The following PDGFD variants were observed in gnomAD, a reference collection of about 807,000 sequenced individuals.
PDGFD encodes platelet-derived growth factor D.
PDGFD carries 30 observed loss-of-function variants against 44.7 expected under a neutral mutation model. The observed-to-expected ratio is 0.67, with a 90% CI of 0.50 to 0.91. The LOEUF is 0.91. Ranked by LOEUF, PDGFD falls within the 40% of genes least tolerant of loss-of-function variation. The pLI is 0.00. For missense variants in PDGFD, 445 were observed against 457.8 expected (o/e 0.97, Z 0.25); for synonymous variants, 173 against 168.4 (o/e 1.03, Z -0.21).
At chr11:104,151,789 G>T (rs1234269027) in intron 1 of PDGFD, among the ~76,000 whole-genome samples, 1 of 152,072 alleles carries the variant, frequency 6.6e-6, no homozygotes, top group Non-Finnish European at 1.5e-5. Context: ...ATTATAAGGG[G>T]TTGGCCTTTC....
Position 103,974,624 on chromosome 11 carries a change from C to T in PDGFD, c.510+21441G>A, listed in dbSNP as rs1859155012. Among the ~76,000 whole-genome samples the T allele has an allele frequency of 4.6e-5, 7 of 152,092 alleles. 1 individual carries two copies. In the South Asian group the frequency reaches 1.5e-3, roughly 32 times the overall value. ...GGTATTTGTCCTAATGCTCTCCCTC[C>T]CCTTGCCCCCCACCTCCTCACAGGC... On this transcript the variant is annotated intron_variant, in intron 3 of 6. Transcript: ENST00000393158.
At position 103,907,681 on chromosome 11, in the gene PDGFD, T is replaced by A. The variant is rs1220854127; in HGVS notation, c.*2013A>T. On this transcript the variant is annotated 3_prime_UTR_variant, in exon 7 of 7. Transcript: ENST00000393158. The stretch of plus-strand genomic sequence containing the variant: ...CTGGGTAGAACACTCTCATTTTTTA[T>A]ATTTACAGCTACATTGTGAGCTGTT... 1 of 152,212 alleles carries A rather than the reference T, an allele frequency of 6.6e-6. No individual in the cohort carries two copies. The highest frequency in any genetic ancestry group is 1.5e-5 in the Non-Finnish European group (1 of 68,038). The allele number at this position is 152,212 out of a possible 1,614,324, so 9.4% of individuals were successfully genotyped here.
chr11:104,002,938 C>T (rs1167353956), intron 1 of PDGFD, among the ~76,000 whole-genome samples: 2 of 152,182 alleles, frequency 1.3e-5, no homozygotes, highest in African/African-American at 4.8e-5. Context: ...ATATCTATCT[C>T]AGGTATTCAG....
intron 6 of PDGFD, among the ~76,000 whole-genome samples, 154 bp downstream of exon 6, chr11:103,926,758 T>C (rs938723668): frequency 6.6e-6 from 1 of 152,216 alleles, no homozygotes; most frequent in Non-Finnish European, 1.5e-5. Flanking sequence ...ACACTTGGCT[T>C]GGCAAACCTA....
intron 1 of PDGFD, among the ~76,000 whole-genome samples, chr11:104,047,487 A>G (rs1860462046): frequency 6.8e-6 from 1 of 147,232 alleles, no homozygotes; most frequent in Admixed American, 6.8e-5. Context: ...TTCTCTAATG[A>G]CCAGTGATGA....
At chr11:104,015,034 T>C (rs1565310901) in intron 1 of PDGFD, among the ~76,000 whole-genome samples, 1 of 152,228 alleles carries the variant, frequency 6.6e-6, no homozygotes, top group Non-Finnish European at 1.5e-5. Context: ...TCTGTTGCTG[T>C]TATTTTTGCA....
chr11:104,027,029 C>T (rs556762378), intron 1 of PDGFD, among the ~76,000 whole-genome samples: 1 of 152,292 alleles, frequency 6.6e-6, no homozygotes, highest in South Asian at 2.1e-4. Context: ...GTCTGCTTAA[C>T]AATTCTATAA....
chr11:104,006,737 G>A (rs1191995222), intron 1 of PDGFD, among the ~76,000 whole-genome samples: 1 of 152,296 alleles, frequency 6.6e-6, no homozygotes, highest in African/African-American at 2.4e-5. Flanking sequence ...GCTGGGGGCG[G>A]CTAGAGAGGA....
chr11:103,996,285 G>A (rs1428247138), intron 2 of PDGFD, 40 bp from the exon 3 acceptor site: 7 of 1,528,010 alleles, frequency 4.6e-6, no homozygotes, highest in Admixed American at 3.9e-5. Flanking sequence ...TTTGATTAAA[G>A]TAGATTTTGA....
rs148474807 is a variant in PDGFD at position 104,038,000 on chromosome 11, G to A, written c.125-37745C>T. On this transcript the variant is annotated intron_variant, in intron 1 of 6. Coordinates refer to ENST00000393158, the MANE Select transcript of PDGFD (RefSeq NM_025208.5). Reference sequence around the variant, plus strand: ...ACACATTCAGTCATGGATTCAGGACGAAAAGAGCATTAAAGCACGTTATAA... The same window carrying A: ...ACACATTCAGTCATGGATTCAGGACAAAAAGAGCATTAAAGCACGTTATAA... 1.5e-4 allele frequency: 238 copies of A among 1,612,578 alleles called. No homozygotes were observed. The African/African-American group carries it at 2.9e-3, about 20-fold the overall frequency.
intron 3 of PDGFD, among the ~76,000 whole-genome samples, chr11:103,976,121 T>A (rs967602462): frequency 2.0e-5 from 3 of 152,188 alleles, no homozygotes; most frequent in African/African-American, 7.2e-5. Flanking sequence ...ACTCTTCCTA[T>A]CCATGAATAT....
intron 1 of PDGFD, among the ~76,000 whole-genome samples, chr11:104,100,819 C>A (rs1170158289): frequency 1.3e-5 from 2 of 151,996 alleles, no homozygotes; most frequent in Non-Finnish European, 2.9e-5. Flanking sequence ...ATAAACATTA[C>A]CCAGCATATA....
intron 1 of PDGFD, among the ~76,000 whole-genome samples, chr11:104,148,072 C>A (rs376603202): frequency 4.6e-5 from 7 of 152,124 alleles, no homozygotes; most frequent in African/African-American, 1.7e-4. Flanking sequence ...AGAAATTTTG[C>A]ACCTGGCATA....
intron 2 of PDGFD, among the ~76,000 whole-genome samples, chr11:103,998,373 G>A (rs1225982823): frequency 6.6e-6 from 1 of 152,130 alleles, no homozygotes; most frequent in Non-Finnish European, 1.5e-5. Context: ...TAGACCTCTG[G>A]GGAGGGAGAG....
intron 3 of PDGFD, among the ~76,000 whole-genome samples, chr11:103,955,573 T>C (rs1858830542): frequency 6.6e-6 from 1 of 152,372 alleles, no homozygotes; most frequent in African/African-American, 2.4e-5. Context: ...AACTAGCTCT[T>C]CTACACATAA....
chr11:103,975,008 C>T lies in PDGFD; in HGVS notation c.510+21057G>A, dbSNP rs187505449. ...TGATTTATAATTCTTTGGGTATATA[C>T]CCAGTAATGGGATTCCTAGGTCAAG... On this transcript the variant is annotated intron_variant, in intron 3 of 6. Coordinates refer to ENST00000393158, the MANE Select transcript of PDGFD (RefSeq NM_025208.5). Among the ~76,000 whole-genome samples the T allele has an allele frequency of 4.0e-3, 614 of 152,218 alleles. 4 individuals are homozygous for T. Among genetic ancestry groups the T allele is most frequent in the Non-Finnish European group, 6.7e-3 (457 of 68,014 alleles).
intron 1 of PDGFD, among the ~76,000 whole-genome samples, chr11:104,047,794 G>A (rs372446717): frequency 6.6e-6 from 1 of 152,026 alleles, no homozygotes. Flanking sequence ...CAAAATAGAT[G>A]TGTTAACATC....
intron 3 of PDGFD, among the ~76,000 whole-genome samples, chr11:103,950,765 A>G (rs954306884): frequency 3.3e-5 from 5 of 152,116 alleles, no homozygotes; most frequent in Non-Finnish European, 7.3e-5. Flanking sequence ...AAAAACGATG[A>G]AACAGTTTCC....
intron 1 of PDGFD, among the ~76,000 whole-genome samples, chr11:104,134,027 A>C (rs1861964169): frequency 6.6e-6 from 1 of 152,196 alleles, no homozygotes; most frequent in South Asian, 2.1e-4. Context: ...TCACAACTAC[A>C]TGCATTTTAG....
Sources: gnomAD v4.1 joint callset for allele counts (sites outside exome capture counted in the v4.1 genomes callset) on GRCh38, gnomAD v4.1.1 for gene constraint, MANE v1.5 for transcripts, NCBI Gene and HGNC (gene_info 2026-07-23, HGNC 2026-07-21) for gene names.